The following CADM1 variants were observed in gnomAD, a reference collection of about 807,000 sequenced individuals.
CADM1 encodes the protein TSLC-1.
In CADM1, 15 loss-of-function variants were observed where a neutral mutation model predicts 53.1. The observed-to-expected ratio is 0.28, with a 90% CI of 0.19 to 0.44. CADM1 has a LOEUF of 0.44. Ranked by LOEUF, CADM1 falls within the 20% of genes least tolerant of loss-of-function variation. The pLI, the probability that CADM1 is intolerant of heterozygous loss-of-function variation, is 1.00. For synonymous variants in CADM1, 281 were observed against 243.0 expected, an observed-to-expected ratio of 1.16 and a Z score of -1.45; for missense variants, 434 against 611.3, an observed-to-expected ratio of 0.71 and a Z score of 3.06.
rs559815483 is a variant in CADM1, at chr11:115,333,375, C to T, written c.125-92955G>A. On this transcript the variant is annotated intron_variant, in intron 1 of 11. Transcript: ENST00000331581. ...GATCGAGAGAGAAAGAGAGAGAATG[C>T]CCAACATGCCTCCCTGAAAATCATT... 2.8e-3 allele frequency among the ~76,000 whole-genome samples: 422 copies of T among 152,210 alleles called. 3 individuals are homozygous for T. Among genetic ancestry groups the T allele is most frequent in the African/African-American group, 9.5e-3 (395 of 41,536 alleles).
intron 1 of CADM1, among the ~76,000 whole-genome samples, chr11:115,326,782 A>C (rs1303454220): frequency 6.6e-6 from 1 of 152,200 alleles, no homozygotes; most frequent in Non-Finnish European, 1.5e-5. Flanking sequence ...AATTTGTCAT[A>C]AGCTGCATTT....
At position 115,248,200 on chromosome 11, in the gene CADM1, G is replaced by A. The variant is rs548292171; in HGVS notation, c.125-7780C>T. On this transcript the variant is annotated intron_variant, in intron 1 of 11. Coordinates refer to ENST00000331581, the MANE Select transcript of CADM1 (RefSeq NM_001301043.2). ...CAACTTCTATTTACATACAGGATGG[G>A]TATCTCTTGTGAAAGAAAACACTGA... 7.2e-5 allele frequency among the ~76,000 whole-genome samples: 11 copies of A among 152,296 alleles called. 1 individual carries two copies. The South Asian group carries it at 2.1e-3, about 29-fold the overall frequency.
intron 1 of CADM1, among the ~76,000 whole-genome samples, chr11:115,462,778 G>A (rs1356515521): frequency 2.0e-5 from 3 of 152,188 alleles, no homozygotes; most frequent in Non-Finnish European, 2.9e-5. Context: ...TTCAAGGCAG[G>A]AAGGTTTAAG....
intron 1 of CADM1, among the ~76,000 whole-genome samples, chr11:115,490,971 T>A (rs1949483619): frequency 6.6e-6 from 1 of 152,194 alleles, no homozygotes; most frequent in Non-Finnish European, 1.5e-5. Context: ...TCATATTATT[T>A]GAGATAACTG....
intron 1 of CADM1, among the ~76,000 whole-genome samples, chr11:115,354,905 T>G (rs528215449): frequency 1.3e-5 from 2 of 152,332 alleles, no homozygotes; most frequent in South Asian, 4.1e-4. Flanking sequence ...TTCATCCCAA[T>G]ACATTATAGA....
intron 1 of CADM1, among the ~76,000 whole-genome samples, chr11:115,342,184 CAT>C (rs1945466824): frequency 6.6e-6 from 1 of 152,160 alleles, no homozygotes; most frequent in Non-Finnish European, 1.5e-5. Flanking sequence ...CATTAAAACA[CAT>C]ATACTTGTAA....
At chr11:115,253,488 A>C (rs78955073) in intron 1 of CADM1, among the ~76,000 whole-genome samples, 1,671 of 152,312 alleles carry the variant, frequency 0.011, 74 homozygotes, top group East Asian at 0.067. Context: ...TCAAACAAAG[A>C]AAAGTTGCAC....
In CADM1 at chr11:115,394,477, GA is replaced by G. The variant is rs879387622; in HGVS notation, c.124+109793del. Among the ~76,000 whole-genome samples the G allele has an allele frequency of 5.6e-4, 83 of 147,878 alleles. No individual in the cohort carries two copies. The South Asian group carries it at 5.8e-3, about 10-fold the overall frequency. ...GTGAAAAGCAATAACCAAGATAAAT[GA>G]AAAAAAAAATGCCGGGTTAAGTTTT... On this transcript the variant is annotated intron_variant, in intron 1 of 11. Coordinates refer to ENST00000331581, the MANE Select transcript of CADM1 (RefSeq NM_001301043.2).
At chr11:115,255,098 GAGTCGAGAAT>G (rs2134991656) in intron 1 of CADM1, among the ~76,000 whole-genome samples, 1 of 152,230 alleles carries the variant, frequency 6.6e-6, no homozygotes, top group African/African-American at 2.4e-5. Context: ...GAGTGAGCAG[GAGTCGAGAAT>G]ACTTCAGAGG....
intron 1 of CADM1, among the ~76,000 whole-genome samples, chr11:115,297,700 T>A (rs1287322845): frequency 6.6e-6 from 1 of 152,194 alleles, no homozygotes; most frequent in Non-Finnish European, 1.5e-5. Flanking sequence ...TCCTATGTGA[T>A]CCAATGCATC....
intron 3 of CADM1, among the ~76,000 whole-genome samples, chr11:115,237,861 G>A (rs1942064251): frequency 6.6e-6 from 1 of 152,164 alleles, no homozygotes; most frequent in African/African-American, 2.4e-5. Context: ...CATAAATGAA[G>A]ACACTCAGCT....
At chr11:115,240,540 C>G in intron 1 of CADM1, 120 bp from the exon 2 acceptor site, 4 of 1,007,038 alleles carry the variant, frequency 4.0e-6, no homozygotes, top group Non-Finnish European at 6.1e-6. Flanking sequence ...CAACATTTAG[C>G]ATGGCTCTAA....
At chr11:115,425,584 T>G (rs1203269237) in intron 1 of CADM1, among the ~76,000 whole-genome samples, 1 of 152,220 alleles carries the variant, frequency 6.6e-6, no homozygotes, top group Non-Finnish European at 1.5e-5. Context: ...TACTGTTATT[T>G]TAACTACACC....
In CADM1 at chr11:115,244,961, GC is replaced by G. The variant is rs528517042; in HGVS notation, c.125-4542del. ...CCTTTTGCCAGCACCACAAGCTCTCGCCCCCGCTGCCTGGCTGTTCATCAAT... is the reference window on the plus strand; with the variant it reads ...CCTTTTGCCAGCACCACAAGCTCTCGCCCCGCTGCCTGGCTGTTCATCAAT... On this transcript the variant is annotated intron_variant, in intron 1 of 11. Transcript: ENST00000331581. 2.5e-4 allele frequency among the ~76,000 whole-genome samples: 38 copies of G among 152,290 alleles called. 1 individual carries two copies. The East Asian group carries it at 4.4e-3, about 18-fold the overall frequency.
intron 1 of CADM1, among the ~76,000 whole-genome samples, chr11:115,305,900 C>CAAAAAAAAAAAAAAAAAAAAA (rs35517673): frequency 1.2e-5 from 1 of 80,840 alleles, no homozygotes; most frequent in Non-Finnish European, 2.5e-5. Flanking sequence ...GACTCCATCT[C>CAAAAAAAAAAAAAAAAAAAAA]AAAAAAAAAA....
At chr11:115,282,422 G>T (rs1943612676) in intron 1 of CADM1, among the ~76,000 whole-genome samples, 3 of 152,076 alleles carry the variant, frequency 2.0e-5, no homozygotes, top group African/African-American at 7.2e-5. Flanking sequence ...AAATGTAAAG[G>T]TCAGACCTCA....
In CADM1 at chr11:115,444,276, G is replaced by A. The variant is rs377264101; in HGVS notation, c.124+59995C>T. On this transcript the variant is annotated intron_variant, in intron 1 of 11. Transcript: ENST00000331581. ...AAGAGAAAAATATCTCTATAAAAAC[G>A]TACATGTAATAAGGCTACAGATCAT... Among the ~76,000 whole-genome samples the A allele has an allele frequency of 1.2e-4, 18 of 152,144 alleles. No individual in the cohort carries two copies. In the East Asian group the frequency reaches 1.7e-3, roughly 15 times the overall value.
intron 7 of CADM1, among the ~76,000 whole-genome samples, chr11:115,211,082 A>T (rs1940934777): frequency 6.6e-6 from 1 of 152,210 alleles, no homozygotes; most frequent in South Asian, 2.1e-4. Context: ...AAAATGGTTA[A>T]GTTAGTGATT....
rs556657195 is a variant in CADM1, at chr11:115,269,236, C to T, written c.125-28816G>A. Among the ~76,000 whole-genome samples the T allele has an allele frequency of 4.6e-5, 7 of 152,142 alleles. 1 individual carries two copies. In the South Asian group the frequency reaches 6.2e-4, roughly 14 times the overall value. ...AAAACACACATGGCAGGATAGAGGCCCCAAGGGGTCATCAGAGTTCCCCAA... is the reference window on the plus strand; with the variant it reads ...AAAACACACATGGCAGGATAGAGGCTCCAAGGGGTCATCAGAGTTCCCCAA... On this transcript the variant is annotated intron_variant, in intron 1 of 11. Transcript: ENST00000331581.
Sources: allele counts gnomAD v4.1 joint callset (sites outside exome capture counted in the v4.1 genomes callset), GRCh38; gene constraint gnomAD v4.1.1; transcripts MANE v1.5; gene names NCBI Gene and HGNC (gene_info 2026-07-23, HGNC 2026-07-21).